Variants in SYTL5 observed in about 807,000 individuals in gnomAD.
SYTL5 encodes the protein synaptotagmin-like protein 5.
A neutral mutation model predicts 55.9 loss-of-function variants in SYTL5; 34 were observed. The observed-to-expected ratio is 0.61, with a 90% CI of 0.46 to 0.81. The LOEUF is 0.81. Ranked by LOEUF, SYTL5 falls within the 30% of genes least tolerant of loss-of-function variation. The pLI is 0.00. For synonymous variants in SYTL5, 221 were observed against 188.7 expected, an observed-to-expected ratio of 1.17 and a Z score of -1.40; for missense variants, 637 against 546.7, an observed-to-expected ratio of 1.17 and a Z score of -1.65.
chrX:37,889,289 T>C, the SYTL5 span, among the ~76,000 whole-genome samples: 185 of 111,999 alleles, frequency 1.7e-3, 1 homozygote, highest in African/African-American at 5.9e-3. Flanking sequence ...GTTGTAGCAT[T>C]TTACTTGTTG....
intron 15 of SYTL5, 129 bp downstream of exon 15, chrX:38,122,344 T>A: frequency 2.2e-6 from 1 of 448,435 alleles, no homozygotes; most frequent in Non-Finnish European, 3.6e-6. Flanking sequence ...AGAACTACCC[T>A]TACATGCTGG....
the SYTL5 span, among the ~76,000 whole-genome samples, chrX:37,921,483 T>C: frequency 5.4e-5 from 6 of 111,581 alleles, no homozygotes; most frequent in Non-Finnish European, 1.1e-4. Flanking sequence ...TAGTATATGA[T>C]ATTCCCTCAA....
intron 2 of SYTL5, among the ~76,000 whole-genome samples, chrX:38,051,128 A>T (rs1292443274): frequency 1.8e-5 from 2 of 111,887 alleles, no homozygotes; most frequent in African/African-American, 6.5e-5. Flanking sequence ...GTGGGAAAGA[A>T]CTTGGTATAT....
chrX:38,031,156 A>G (rs1934941627), intron 1 of SYTL5, among the ~76,000 whole-genome samples: 1 of 111,334 alleles, frequency 9.0e-6, no homozygotes, highest in Admixed American at 9.6e-5. Context: ...AGATTTTACT[A>G]CAGCTTAAGA....
At chrX:38,085,161 CA>C (rs1358470762) in intron 6 of SYTL5, among the ~76,000 whole-genome samples, 1 of 110,938 alleles carries the variant, frequency 9.0e-6, no homozygotes, top group Non-Finnish European at 1.9e-5. Flanking sequence ...GTGGTAGAAG[CA>C]GAGGGAGCAA....
chrX:37,970,825 T>C, the SYTL5 span, among the ~76,000 whole-genome samples: 44 of 112,384 alleles, frequency 3.9e-4, no homozygotes, highest in African/African-American at 1.4e-3. Context: ...TTCATAAGCA[T>C]ATACAAGCAA....
At chrX:38,043,549 G>T (rs938068597) in intron 2 of SYTL5, among the ~76,000 whole-genome samples, 1 of 94,382 alleles carries the variant, frequency 1.1e-5, no homozygotes, top group Admixed American at 1.2e-4. Context: ...TAGAAAATTA[G>T]ATAACCATAT....
At chrX:37,959,702 C>T in the SYTL5 span, among the ~76,000 whole-genome samples, 2 of 111,912 alleles carry the variant, frequency 1.8e-5, no homozygotes, top group African/African-American at 3.3e-5. Flanking sequence ...GCCTTCCAAA[C>T]GGTTTGTGAC....
At chrX:37,925,897 T>A in the SYTL5 span, among the ~76,000 whole-genome samples, 1 of 112,079 alleles carries the variant, frequency 8.9e-6, no homozygotes, top group African/African-American at 3.2e-5. Context: ...AGAATAATAG[T>A]CTCCAGTTTC....
At chrX:38,028,935 T>C (rs1287545250) in intron 1 of SYTL5, among the ~76,000 whole-genome samples, 1 of 111,942 alleles carries the variant, frequency 8.9e-6, no homozygotes, top group Non-Finnish European at 1.9e-5. Context: ...TCCTGTATGA[T>C]TTTTATACCA....
intron 14 of SYTL5, 42 bp downstream of exon 14, chrX:38,120,508 T>A (rs1569194505): frequency 9.8e-7 from 1 of 1,025,200 alleles, no homozygotes; most frequent in Non-Finnish European, 1.4e-6. Context: ...ACATTCTGTT[T>A]CTAGAAGTGT....
chrX:38,106,631 GGGAGA>G lies in SYTL5; in HGVS notation c.1195_1199del (p.Gly399LeufsTer9). The G allele has an allele frequency of 8.3e-7, 1 of 1,207,999 alleles. No homozygotes were observed. The highest frequency in any genetic ancestry group is 1.1e-6 in the Non-Finnish European group (1 of 893,972). On this transcript the variant is annotated frameshift_variant, in exon 11 of 17. Transcript: ENST00000297875. LOFTEE classifies it high-confidence loss of function. ...GCATGATGAGCGTTTACAGTGAAAC[GGGAGA>G]CTATGGCAACGTGAAAGTCAGTGGT...
chrX:38,010,808 TTCA>T (rs1283493035), intron 1 of SYTL5, among the ~76,000 whole-genome samples: 1 of 111,981 alleles, frequency 8.9e-6, no homozygotes, highest in Non-Finnish European at 1.9e-5. Flanking sequence ...GTTTGATTGT[TTCA>T]TGTCAGAAAG....
the SYTL5 span, among the ~76,000 whole-genome samples, chrX:37,963,537 C>G: frequency 0.034 from 3,745 of 111,386 alleles, 64 homozygotes; most frequent in African/African-American, 0.068. Flanking sequence ...ATCCGCCTGC[C>G]CCGGCTTCCC....
intron 13 of SYTL5, among the ~76,000 whole-genome samples, chrX:38,114,145 C>T (rs1207387575): frequency 9.0e-6 from 1 of 111,486 alleles, no homozygotes; most frequent in Non-Finnish European, 1.9e-5. Flanking sequence ...TTTTCATCCT[C>T]CTTGCTACTA....
chrX:37,993,441 A>G, the SYTL5 span, among the ~76,000 whole-genome samples: 9 of 112,364 alleles, frequency 8.0e-5, no homozygotes, highest in African/African-American at 2.3e-4. Flanking sequence ...CCTAGCTCTG[A>G]TAGATGAATC....
chrX:37,952,370 G>A, the SYTL5 span, among the ~76,000 whole-genome samples: 5 of 111,632 alleles, frequency 4.5e-5, no homozygotes, highest in East Asian at 1.4e-3. Flanking sequence ...GTCTTTATTA[G>A]ACTTATGGGC....
the SYTL5 span, among the ~76,000 whole-genome samples, chrX:37,900,458 A>G: frequency 1.8e-5 from 2 of 112,114 alleles, no homozygotes; most frequent in Admixed American, 9.5e-5. Context: ...CATTCAAAAT[A>G]AAGTAGTAAA....
the SYTL5 span, among the ~76,000 whole-genome samples, chrX:37,930,994 G>T: frequency 8.9e-6 from 1 of 112,126 alleles, no homozygotes; most frequent in Admixed American, 9.5e-5. Flanking sequence ...TCAGAATCAA[G>T]GGGTAGGAAA....
Sources: allele counts gnomAD v4.1 joint callset (sites outside exome capture counted in the v4.1 genomes callset), GRCh38; gene constraint gnomAD v4.1.1; transcripts MANE v1.5; gene names NCBI Gene and HGNC (gene_info 2026-07-23, HGNC 2026-07-21).